FLT1: variants seen among roughly 807,000 people sequenced by gnomAD.
The protein encoded by FLT1 is vascular endothelial growth factor receptor 1.
FLT1 carries 49 observed loss-of-function variants against 156.3 expected under a neutral mutation model. That is an observed-to-expected ratio of 0.31 (90% CI 0.25 to 0.40). The LOEUF is 0.40. FLT1 is among the 10% of genes least tolerant of loss of function. The pLI, the probability that FLT1 is intolerant of heterozygous loss-of-function variation, is 1.00. For missense variants in FLT1, 1,322 were observed against 1,637.2 expected (o/e 0.81, Z 3.32); for synonymous variants, 594 against 583.8 (o/e 1.02, Z -0.25).
At position 28,327,470 on chromosome 13, in the gene FLT1, G is replaced by GA. The variant is rs1319383183; in HGVS notation, c.2787dup (p.Leu930SerfsTer12). 6.2e-7 allele frequency: 1 copy of GA among 1,605,378 alleles called. No individual in the cohort carries two copies. Among genetic ancestry groups the GA allele is most frequent in the African/African-American group, 1.3e-5 (1 of 74,894 alleles). On this transcript the variant is annotated frameshift_variant, in exon 20 of 30. Coordinates refer to ENST00000282397, the MANE Select transcript of FLT1 (RefSeq NM_002019.4). LOFTEE classifies it high-confidence loss of function. Reference sequence around the variant, plus strand: ...ACTTTTGAAATCCTTACCTTGTTGAGAAAAAATAAGTCACGTTTGCTCTTG... The same window carrying GA: ...ACTTTTGAAATCCTTACCTTGTTGAGAAAAAAATAAGTCACGTTTGCTCTTG...
chr13:28,345,746 A>G, intron 15 of FLT1, 195 bp from the exon 16 acceptor site: 1 of 582,574 alleles, frequency 1.7e-6, no homozygotes. Flanking sequence ...CACATAGAAA[A>G]GGCAGTATAC....
intron 11 of FLT1, 126 bp downstream of exon 11, chr13:28,405,654 G>A: frequency 1.4e-6 from 1 of 703,394 alleles, no homozygotes; most frequent in Non-Finnish European, 2.6e-6. Flanking sequence ...CTCAGATATT[G>A]TCTTTCTTCT....
rs539714832 is a variant in FLT1, at chr13:28,355,255, A to G, written c.2248+2299T>C. ...GTTTAACTTGAGTTTCCATCTTCCC[A>G]TCTGTAGATTGAAGATACTACTATT... On this transcript the variant is annotated intron_variant, in intron 15 of 29. Transcript: ENST00000282397. 3.3e-5 allele frequency among the ~76,000 whole-genome samples: 5 copies of G among 152,316 alleles called. No homozygotes were observed. In the South Asian group the frequency reaches 1.0e-3, roughly 32 times the overall value.
rs1870491569 is a variant in FLT1, at chr13:28,301,032, A to T, written c.*2135T>A. ...CTGAGTTTGAAGGAGCTGAGTAACA[A>T]TTCTAATGGTTTTGCTTTTCTCTTG... On this transcript the variant is annotated 3_prime_UTR_variant, in exon 30 of 30. Transcript: ENST00000282397. 1 of 232,668 alleles carries T rather than the reference A, an allele frequency of 4.3e-6. No individual in the cohort carries two copies. The highest frequency in any genetic ancestry group is 8.5e-6 in the Non-Finnish European group (1 of 117,778). The allele number at this position is 232,668 out of a possible 1,614,324, so 14.4% of individuals were successfully genotyped here.
At chr13:28,423,218 C>T (rs1877120400) in intron 10 of FLT1, among the ~76,000 whole-genome samples, 1 of 152,170 alleles carries the variant, frequency 6.6e-6, no homozygotes. Context: ...AGGGCAGAAC[C>T]ACTTCCTCTC....
At chr13:28,360,831 G>A (rs185626744) in intron 14 of FLT1, among the ~76,000 whole-genome samples, 45 of 152,256 alleles carry the variant, frequency 3.0e-4, no homozygotes, top group African/African-American at 9.6e-4. Context: ...GCTAAAAGAG[G>A]ATTTTAAGTG....
intron 14 of FLT1, chr13:28,368,100 T>C (rs968646490): frequency 2.7e-6 from 2 of 733,394 alleles, no homozygotes; most frequent in Non-Finnish European, 3.4e-6. Flanking sequence ...AATTAATGCA[T>C]GTATGTTAAG....
At position 28,329,669 on chromosome 13, in the gene FLT1, T is replaced by C; in HGVS notation, c.2653A>G (p.Ile885Val). 3 of 1,614,218 alleles carry C rather than the reference T, an allele frequency of 1.9e-6. No homozygotes were observed. Among genetic ancestry groups the C allele is most frequent in the East Asian group, 2.2e-5 (1 of 44,880 alleles). The change falls in exon 19 of 30, where the codon ATT becomes GTT. Residue 885 changes from isoleucine to valine, a missense_variant. This residue lies in a region of FLT1 where 991 missense variants were observed against 1,254.8 expected (regional missense o/e 0.79). Coordinates refer to ENST00000282397, the MANE Select transcript of FLT1 (RefSeq NM_002019.4). Reference protein sequence around the residue: ...LMTELKILTHIGHHLNVVNLL... With the variant: ...LMTELKILTHVGHHLNVVNLL... ...TTAACCACGTTCAGATGGTGGCCAA[T>C]GTGGGTCAAGATTTTTAGCTCAGTC...
chr13:28,471,024 T>A lies in FLT1; in HGVS notation c.65-3407A>T, dbSNP rs371544376. ...TATTTAGAGAAGATCTCTTAGACAG[T>A]GTGCCCTCTACTTGTTCGTGTCCAC... On this transcript the variant is annotated intron_variant, in intron 1 of 29. Coordinates refer to ENST00000282397, the MANE Select transcript of FLT1 (RefSeq NM_002019.4). Among the ~76,000 whole-genome samples, 54 of 152,262 alleles carry A rather than the reference T, an allele frequency of 3.5e-4. No homozygotes were observed. In the South Asian group the frequency reaches 0.011, roughly 30 times the overall value.
chr13:28,324,394 G>A (rs183772124), intron 20 of FLT1, among the ~76,000 whole-genome samples: 78 of 152,208 alleles, frequency 5.1e-4, no homozygotes, highest in Non-Finnish European at 5.7e-4. Context: ...TCCACTAGAG[G>A]GCACAGTGGG....
Position 28,415,375 on chromosome 13 carries a change from G to A in FLT1, c.1437-9481C>T, listed in dbSNP as rs529271419. On this transcript the variant is annotated intron_variant, in intron 10 of 29. Transcript: ENST00000282397. ...GCATGCCTGTAATCCCAGCTACCTG[G>A]GAGGCTGAGGTAGGATAATTGCTTG... 4.6e-4 allele frequency among the ~76,000 whole-genome samples: 70 copies of A among 152,224 alleles called. 2 individuals carry two copies. Among genetic ancestry groups the A allele is most frequent in the Admixed American group, 1.2e-3 (19 of 15,296 alleles).
intron 16 of FLT1, among the ~76,000 whole-genome samples, chr13:28,342,081 C>T (rs923653016): frequency 1.3e-5 from 2 of 152,102 alleles, no homozygotes; most frequent in African/African-American, 2.4e-5. Context: ...CAGGGTTTCA[C>T]CATGTTGGCC....
chr13:28,427,614 C>A (rs1346529329), intron 9 of FLT1, 138 bp downstream of exon 9: 2 of 820,316 alleles, frequency 2.4e-6, no homozygotes, highest in Non-Finnish European at 2.1e-6. Flanking sequence ...AAGATGGGAA[C>A]TTAACGTTAA....
In FLT1 at chr13:28,390,122, AG is replaced by A; in HGVS notation, c.1661-19del. The A allele has an allele frequency of 6.2e-7, 1 of 1,609,556 alleles. No homozygotes were observed. Among genetic ancestry groups the A allele is most frequent in the South Asian group, 1.1e-5 (1 of 90,936 alleles). On this transcript the variant is annotated intron_variant, in intron 12 of 29. Transcript: ENST00000282397. ...TGGCACATCTATAAAATAAGAATAAAGAACTTCAGTTCACAGAAAAATCAGT... is the reference window on the plus strand; with the variant it reads ...TGGCACATCTATAAAATAAGAATAAAAACTTCAGTTCACAGAAAAATCAGT...
chr13:28,470,724 CTT>C (rs1880120619), intron 1 of FLT1, among the ~76,000 whole-genome samples: 1 of 152,116 alleles, frequency 6.6e-6, no homozygotes, highest in Non-Finnish European at 1.5e-5. Flanking sequence ...GAGTTTTGCT[CTT>C]GTCGCCCAGG....
intron 1 of FLT1, among the ~76,000 whole-genome samples, chr13:28,476,154 C>T (rs1880531534): frequency 6.6e-6 from 1 of 152,286 alleles, no homozygotes; most frequent in South Asian, 2.1e-4. Flanking sequence ...CGCTTGCTGA[C>T]ACGCATGCAT....
At chr13:28,450,052 T>C (rs1457073292) in intron 3 of FLT1, among the ~76,000 whole-genome samples, 1 of 152,108 alleles carries the variant, frequency 6.6e-6, no homozygotes, top group African/African-American at 2.4e-5. Flanking sequence ...CATGGCACAC[T>C]GTCAACAGAT....
At chr13:28,489,393 G>A (rs750853879) in intron 1 of FLT1, among the ~76,000 whole-genome samples, 7 of 151,992 alleles carry the variant, frequency 4.6e-5, no homozygotes, top group Non-Finnish European at 7.4e-5. Context: ...AGGTGCCAGC[G>A]GTCTAAGGAC....
chr13:28,318,235 C>T (rs527489359), intron 24 of FLT1, among the ~76,000 whole-genome samples: 1 of 152,182 alleles, frequency 6.6e-6, no homozygotes, highest in East Asian at 1.9e-4. Flanking sequence ...CCTATAGTAC[C>T]AGGGCTCTAG....
Sources: allele counts gnomAD v4.1 joint callset (sites outside exome capture counted in the v4.1 genomes callset), GRCh38; gene constraint gnomAD v4.1.1; regional missense constraint gnomAD v4.1.1; transcripts MANE v1.5; gene names NCBI Gene and HGNC (gene_info 2026-07-23, HGNC 2026-07-21).